RBFOX1: variants seen among roughly 807,000 people sequenced by gnomAD.
RBFOX1 encodes the protein RNA binding protein fox-1 homolog 1.
Under a neutral mutation model 57.7 loss-of-function variants are expected in RBFOX1, and 8 were observed. The ratio of observed to expected loss-of-function variants is 0.14; its 90% confidence interval spans 0.08 to 0.25. The LOEUF (loss-of-function observed/expected upper bound fraction) is 0.25. RBFOX1 is among the 10% of genes least tolerant of loss of function. The probability of loss-of-function intolerance (pLI) is 1.00; values close to 1 mark genes in which losing one functional copy is unlikely to be tolerated. For missense variants in RBFOX1, 611 were observed against 548.5 expected (o/e 1.11, Z -1.14); for synonymous variants, 326 against 222.4 (o/e 1.47, Z -4.15).
chr16:7,018,784 T>A (rs1209517950), intron 3 of RBFOX1, among the ~76,000 whole-genome samples: 2 of 69,668 alleles, frequency 2.9e-5, no homozygotes, highest in African/African-American at 8.7e-5. Context: ...TACCTTAAAG[T>A]ATTAAAAAAA....
At chr16:5,666,960 A>T (rs1450817655) in intron 3 of RBFOX1, among the ~76,000 whole-genome samples, 1 of 152,182 alleles carries the variant, frequency 6.6e-6, no homozygotes, top group Non-Finnish European at 1.5e-5. Context: ...CACATGAAGA[A>T]AAAAATAGGG....
At chr16:6,503,886 A>G (rs2096013361) in intron 2 of RBFOX1, among the ~76,000 whole-genome samples, 2 of 152,218 alleles carry the variant, frequency 1.3e-5, no homozygotes, top group African/African-American at 4.8e-5. Context: ...CAAGCCATGC[A>G]CTGAAGGGAA....
At chr16:7,493,375 C>T (rs1289542147) in intron 4 of RBFOX1, among the ~76,000 whole-genome samples, 1 of 152,200 alleles carries the variant, frequency 6.6e-6, no homozygotes, top group Non-Finnish European at 1.5e-5. Context: ...AGAATCATTG[C>T]AATAGACTCA....
At chr16:7,667,864 G>C (rs889226420) in intron 13 of RBFOX1, among the ~76,000 whole-genome samples, 4 of 152,044 alleles carry the variant, frequency 2.6e-5, no homozygotes, top group Non-Finnish European at 5.9e-5. Context: ...AGTAAAGACA[G>C]GATTTCACCA....
At chr16:6,915,381 T>G (rs1030029204) in intron 3 of RBFOX1, among the ~76,000 whole-genome samples, 4 of 152,190 alleles carry the variant, frequency 2.6e-5, no homozygotes, top group Admixed American at 6.5e-5. Context: ...AACACGCAGC[T>G]TCCCAAGCAT....
intron 3 of RBFOX1, among the ~76,000 whole-genome samples, chr16:6,978,585 G>A (rs926049556): frequency 6.6e-6 from 1 of 152,060 alleles, no homozygotes; most frequent in Non-Finnish European, 1.5e-5. Flanking sequence ...TCTATATTCT[G>A]GGTATTACCA....
At chr16:6,101,355 C>T (rs1020869446) in intron 1 of RBFOX1, among the ~76,000 whole-genome samples, 6 of 152,202 alleles carry the variant, frequency 3.9e-5, no homozygotes, top group African/African-American at 9.6e-5. Context: ...TACACGATGT[C>T]CTCATACTGA....
At chr16:7,159,641 G>A (rs1383718402) in intron 4 of RBFOX1, among the ~76,000 whole-genome samples, 1 of 152,172 alleles carries the variant, frequency 6.6e-6, no homozygotes, top group Non-Finnish European at 1.5e-5. Flanking sequence ...GTGTGTTTGT[G>A]CTGGTTCTGG....
At chr16:7,314,095 C>G (rs913962944) in intron 4 of RBFOX1, among the ~76,000 whole-genome samples, 15 of 151,982 alleles carry the variant, frequency 9.9e-5, no homozygotes, top group African/African-American at 3.6e-4. Flanking sequence ...AACCATGAGG[C>G]TTTTGGACTT....
intron 3 of RBFOX1, among the ~76,000 whole-genome samples, chr16:5,828,231 C>A (rs1208995512): frequency 2.0e-5 from 3 of 152,116 alleles, no homozygotes; most frequent in Admixed American, 1.3e-4. Flanking sequence ...GTCCATTCAA[C>A]CACCCACAAA....
At chr16:6,491,540 T>G (rs983379919) in intron 2 of RBFOX1, among the ~76,000 whole-genome samples, 1 of 152,212 alleles carries the variant, frequency 6.6e-6, no homozygotes, top group South Asian at 2.1e-4. Context: ...TGTAATGTAC[T>G]AGCTAATTGT....
upstream of RBFOX1, chr16:6,018,968 C>CAGG: frequency 1.9e-6 from 1 of 523,268 alleles, no homozygotes; most frequent in Non-Finnish European, 2.4e-6. Flanking sequence ...CACGCGTGAC[C>CAGG]GCGGCGGCGG....
At chr16:6,590,094 G>A (rs1375796455) in intron 2 of RBFOX1, among the ~76,000 whole-genome samples, 1 of 152,194 alleles carries the variant, frequency 6.6e-6, no homozygotes, top group African/African-American at 2.4e-5. Flanking sequence ...ACTGAGAGAA[G>A]AATGATAGCG....
chr16:5,871,519 C>G (rs752798021), intron 4 of RBFOX1, among the ~76,000 whole-genome samples: 2 of 152,168 alleles, frequency 1.3e-5, no homozygotes, highest in East Asian at 1.9e-4. Flanking sequence ...ATCGCAAAAA[C>G]GCATACACAT....
intron 2 of RBFOX1, among the ~76,000 whole-genome samples, chr16:6,411,527 A>T (rs1224037502): frequency 1.3e-5 from 2 of 152,204 alleles, no homozygotes; most frequent in Non-Finnish European, 2.9e-5. Flanking sequence ...AAAATGTCCT[A>T]TTAGCTACAT....
At chr16:6,679,878 G>GTTTTTTTTTTTTTTTTTTTTTT (rs71145274) in intron 3 of RBFOX1, among the ~76,000 whole-genome samples, 1 of 114,304 alleles carries the variant, frequency 8.7e-6, no homozygotes, top group African/African-American at 3.9e-5. Context: ...GTTTCTACTT[G>GTTTTTTTTTTTTTTTTTTTTTT]TTTTTTTTTT....
chr16:5,403,555 C>T (rs12933488), intron 1 of RBFOX1, among the ~76,000 whole-genome samples: 19,525 of 152,056 alleles, frequency 0.13, 1,434 homozygotes, highest in Non-Finnish European at 0.16. Context: ...AGGAATTCTC[C>T]TGCCTCAGTC....
At chr16:5,292,963 C>T (rs1218667921) in intron 1 of RBFOX1, among the ~76,000 whole-genome samples, 18 of 151,996 alleles carry the variant, frequency 1.2e-4, no homozygotes, top group East Asian at 5.9e-4. Context: ...AAATTAACTC[C>T]GGGGTGTCCC....
chr16:6,760,346 G>A (rs1385517127), intron 3 of RBFOX1, among the ~76,000 whole-genome samples: 1 of 152,066 alleles, frequency 6.6e-6, no homozygotes, highest in East Asian at 1.9e-4. Flanking sequence ...AATCAAGATG[G>A]TTTCAGTCTT....
Sources: gnomAD v4.1 joint callset for allele counts (sites outside exome capture counted in the v4.1 genomes callset) on GRCh38, gnomAD v4.1.1 for gene constraint, MANE v1.5 for transcripts, NCBI Gene and HGNC (gene_info 2026-07-23, HGNC 2026-07-21) for gene names.